The following RCAN2 variants were observed in gnomAD, a reference collection of about 807,000 sequenced individuals.
RCAN2 encodes the protein regulator of calcineurin 2.
A neutral mutation model predicts 23.6 loss-of-function variants in RCAN2; 9 were observed. The observed-to-expected ratio is 0.38, with a 90% CI of 0.23 to 0.67. RCAN2 has a LOEUF of 0.67. RCAN2 is among the 30% of genes least tolerant of loss of function. The pLI is 0.51. For missense variants in RCAN2, 273 were observed against 302.3 expected, an observed-to-expected ratio of 0.90 and a Z score of 0.72; for synonymous variants, 109 against 115.7, an observed-to-expected ratio of 0.94 and a Z score of 0.37.
At chr6:46,292,611 A>G (rs1230530042) in intron 2 of RCAN2, among the ~76,000 whole-genome samples, 1 of 152,132 alleles carries the variant, frequency 6.6e-6, no homozygotes, top group Non-Finnish European at 1.5e-5. Flanking sequence ...CTTAGGTAAT[A>G]GAAAAATTTA....
intron 2 of RCAN2, among the ~76,000 whole-genome samples, chr6:46,357,218 A>C (rs747810713): frequency 2.2e-4 from 33 of 152,328 alleles, no homozygotes; most frequent in Middle Eastern, 3.4e-3. Context: ...TCCTAGCTGA[A>C]GATAAACTTC....
At chr6:46,489,487 C>T (rs889596367) in intron 1 of RCAN2, among the ~76,000 whole-genome samples, 7 of 152,156 alleles carry the variant, frequency 4.6e-5, no homozygotes, top group African/African-American at 9.7e-5. Flanking sequence ...AATGAGACCT[C>T]GGTGATTGTC....
chr6:46,387,513 C>A (rs1210927767), intron 2 of RCAN2, among the ~76,000 whole-genome samples: 2 of 152,154 alleles, frequency 1.3e-5, no homozygotes, highest in African/African-American at 2.4e-5. Flanking sequence ...TGCTCATCAC[C>A]ACTGGCCATC....
At chr6:46,363,603 T>C (rs1240078988) in intron 2 of RCAN2, among the ~76,000 whole-genome samples, 1 of 152,132 alleles carries the variant, frequency 6.6e-6, no homozygotes, top group Non-Finnish European at 1.5e-5. Context: ...TTCTTAATTA[T>C]GAAAGCATCT....
intron 4 of RCAN2, among the ~76,000 whole-genome samples, chr6:46,232,883 C>A (rs73454548): frequency 3.9e-5 from 6 of 151,966 alleles, no homozygotes; most frequent in Non-Finnish European, 5.9e-5. Context: ...CCCATCAGCC[C>A]TAAGTGCTTC....
intron 4 of RCAN2, among the ~76,000 whole-genome samples, chr6:46,236,461 A>G (rs1188017311): frequency 6.6e-6 from 1 of 151,352 alleles, no homozygotes; most frequent in Non-Finnish European, 1.5e-5. Flanking sequence ...TTTGAGATAG[A>G]AACACCCATT....
At chr6:46,463,753 C>A (rs1027728707) in intron 1 of RCAN2, among the ~76,000 whole-genome samples, 3 of 151,984 alleles carry the variant, frequency 2.0e-5, no homozygotes, top group Admixed American at 6.6e-5. Flanking sequence ...CCAGGTGACT[C>A]AAACTAAAAA....
intron 2 of RCAN2, among the ~76,000 whole-genome samples, chr6:46,433,039 C>T (rs1674419214): frequency 6.6e-6 from 1 of 152,128 alleles, no homozygotes; most frequent in Non-Finnish European, 1.5e-5. Flanking sequence ...ATGAGCATCT[C>T]TGCATGGCTT....
chr6:46,449,449 C>T (rs1206475651), intron 2 of RCAN2, among the ~76,000 whole-genome samples: 2 of 150,882 alleles, frequency 1.3e-5, no homozygotes, highest in Non-Finnish European at 3.0e-5. Context: ...AGATTCAGTG[C>T]AATCTCTAAC....
chr6:46,231,035 T>C (rs891672723), intron 4 of RCAN2, among the ~76,000 whole-genome samples: 2 of 152,208 alleles, frequency 1.3e-5, no homozygotes, highest in Admixed American at 6.5e-5. Context: ...ATTGGTTGAA[T>C]TGAGTCCCCT....
chr6:46,269,854 C>G (rs948917781), intron 2 of RCAN2, among the ~76,000 whole-genome samples: 1 of 152,104 alleles, frequency 6.6e-6, no homozygotes, highest in Non-Finnish European at 1.5e-5. Context: ...GGGAGGGGTA[C>G]CCTTCACAGG....
At chr6:46,368,069 G>A (rs1765222683) in intron 2 of RCAN2, among the ~76,000 whole-genome samples, 1 of 152,118 alleles carries the variant, frequency 6.6e-6, no homozygotes, top group Non-Finnish European at 1.5e-5. Context: ...TAACTATTTT[G>A]GGCTTTGTGG....
At chr6:46,420,172 TA>T (rs993845440) in intron 2 of RCAN2, among the ~76,000 whole-genome samples, 39 of 144,382 alleles carry the variant, frequency 2.7e-4, no homozygotes, top group Admixed American at 4.2e-4. Flanking sequence ...ACCCTCACAT[TA>T]AAAAAAAAAA....
At chr6:46,325,551 G>T in intron 2 of RCAN2, 11 of 1,594,948 alleles carry the variant, frequency 6.9e-6, no homozygotes, top group Non-Finnish European at 8.5e-6. Context: ...GCTTCCAGAT[G>T]GATATTGCTG....
intron 2 of RCAN2, among the ~76,000 whole-genome samples, chr6:46,385,118 C>T (rs556754808): frequency 4.6e-5 from 7 of 152,170 alleles, no homozygotes; most frequent in African/African-American, 2.4e-5. Context: ...ATAAAAGGAA[C>T]CTTTAAGTCT....
chr6:46,485,614 G>A (rs1349941510), intron 1 of RCAN2, among the ~76,000 whole-genome samples: 1 of 152,178 alleles, frequency 6.6e-6, no homozygotes. Context: ...TAGCCTTCAT[G>A]AGCAGACTCC....
chr6:46,322,132 C>A (rs1261770337), intron 2 of RCAN2, among the ~76,000 whole-genome samples: 1 of 152,186 alleles, frequency 6.6e-6, no homozygotes, highest in Non-Finnish European at 1.5e-5. Flanking sequence ...ATTTCGTTAC[C>A]AATCTCTTGG....
At chr6:46,405,573 T>C (rs1766374473) in intron 2 of RCAN2, among the ~76,000 whole-genome samples, 1 of 152,200 alleles carries the variant, frequency 6.6e-6, no homozygotes, top group Admixed American at 6.5e-5. Context: ...AGCAGCTAGA[T>C]ACAGAGTGTC....
chr6:46,456,790 T>C lies in RCAN2; in HGVS notation c.187A>G (p.Asn63Asp). ...NDLPNSLFAC[N>D]VHQSVFEGEE... The stretch of plus-strand genomic sequence containing the variant: ...CCTTCAAACACTGACTGGTGAACAT[T>C]GCACGCAAACAACGAGTTGGGGAGG... Residue 63 changes from asparagine to aspartate, a missense_variant, in exon 2 of 5, where the codon AAT (asparagine) becomes GAT (aspartate). Coordinates refer to ENST00000371374, the MANE Select transcript of RCAN2 (RefSeq NM_001251974.2). 1.9e-6 allele frequency: 3 copies of C among 1,550,902 alleles called. No individual in the cohort carries two copies. The highest frequency in any genetic ancestry group is 1.7e-6 in the Non-Finnish European group (2 of 1,147,046).
Sources: allele counts gnomAD v4.1 joint callset (sites outside exome capture counted in the v4.1 genomes callset), GRCh38; gene constraint gnomAD v4.1.1; transcripts MANE v1.5; gene names NCBI Gene and HGNC (gene_info 2026-07-23, HGNC 2026-07-21).